TRIP12: variants seen among roughly 807,000 people sequenced by gnomAD.
TRIP12 encodes E3 ubiquitin-protein ligase TRIP12.
A neutral mutation model predicts 244.2 loss-of-function variants in TRIP12; 25 were observed. That is an observed-to-expected ratio of 0.10 (90% CI 0.07 to 0.14). The LOEUF is 0.14. Ranked by LOEUF, TRIP12 falls within the 10% of genes least tolerant of loss-of-function variation. The pLI is 1.00. For missense variants in TRIP12, 1,677 were observed against 2,486.4 expected, an observed-to-expected ratio of 0.67 and a Z score of 6.92; for synonymous variants, 905 against 873.1, an observed-to-expected ratio of 1.04 and a Z score of -0.64.
chr2:229,800,571 T>C (rs1361417221), intron 21 of TRIP12, among the ~76,000 whole-genome samples: 1 of 152,256 alleles, frequency 6.6e-6, no homozygotes, highest in South Asian at 2.1e-4. Context: ...GGATGAAAAA[T>C]GTAATTAAAC....
chr2:229,837,365 T>C (rs529888624), intron 5 of TRIP12, among the ~76,000 whole-genome samples: 5 of 152,284 alleles, frequency 3.3e-5, no homozygotes, highest in East Asian at 1.9e-4. Flanking sequence ...CTGGGTACGG[T>C]AGCTCATGCC....
rs1416378962 is a variant in TRIP12, at chr2:229,921,940, T to TCCCCCCCCCCCC, written c.-111_-110insGGGGGGGGGGGG. On this transcript the variant is annotated 5_prime_UTR_variant, in exon 1 of 42. Coordinates refer to ENST00000675903, the MANE Select transcript of TRIP12 (RefSeq NM_001348323.3). ...TGGCGCGGCAGTAACTTCCACTAGC[T>TCCCCCCCCCCCC]CCCCCCACCCCCCCCAGCGGCGCGG... 1 of 132,774 alleles carries TCCCCCCCCCCCC rather than the reference T, an allele frequency of 7.5e-6. No individual in the cohort carries two copies. Among genetic ancestry groups the TCCCCCCCCCCCC allele is most frequent in the Non-Finnish European group, 1.6e-5 (1 of 62,484 alleles). 8.2% of individuals were successfully genotyped at this position (132,774 alleles called of 1,614,324 possible).
chr2:229,869,798 A>C (rs1339985636), intron 2 of TRIP12, among the ~76,000 whole-genome samples: 1 of 152,214 alleles, frequency 6.6e-6, no homozygotes, highest in Non-Finnish European at 1.5e-5. Flanking sequence ...AATCCTAGAA[A>C]AGGCTAAGAG....
chr2:229,897,524 T>C (rs2069201300), intron 1 of TRIP12, among the ~76,000 whole-genome samples: 3 of 152,178 alleles, frequency 2.0e-5, no homozygotes. Flanking sequence ...GGCATGCGCC[T>C]GTAATCCCAG....
intron 2 of TRIP12, among the ~76,000 whole-genome samples, chr2:229,866,612 AC>A (rs2154342305): frequency 6.6e-6 from 1 of 152,294 alleles, no homozygotes; most frequent in South Asian, 2.1e-4. Context: ...AGAGTTGAGA[AC>A]CATTGTACTA....
rs764139881 is a variant in TRIP12, at chr2:229,791,106, C to G, written c.4543+18G>C. On this transcript the variant is annotated intron_variant, in intron 30 of 41. Coordinates refer to ENST00000675903, the MANE Select transcript of TRIP12 (RefSeq NM_001348323.3). ...TGCCCAGTTGGCAATCCATTTTCCCCTTTATCTACCATCTTACCGTGCCAT... is the reference window on the plus strand; with the variant it reads ...TGCCCAGTTGGCAATCCATTTTCCCGTTTATCTACCATCTTACCGTGCCAT... The G allele has an allele frequency of 8.7e-6, 14 of 1,613,294 alleles. No homozygotes were observed. Among genetic ancestry groups the G allele is most frequent in the Non-Finnish European group, 1.2e-5 (14 of 1,179,746 alleles).
chr2:229,919,009 T>C (rs1051869509), intron 1 of TRIP12, among the ~76,000 whole-genome samples: 15 of 152,224 alleles, frequency 9.9e-5, no homozygotes, highest in East Asian at 3.8e-4. Context: ...AGCTACTAAC[T>C]GGTAGTGTGT....
intron 2 of TRIP12, among the ~76,000 whole-genome samples, chr2:229,860,803 C>T (rs1033699586): frequency 6.6e-6 from 1 of 152,030 alleles, no homozygotes; most frequent in Non-Finnish European, 1.5e-5. Context: ...GTTGCTTAAG[C>T]AGTAACACAT....
intron 21 of TRIP12, among the ~76,000 whole-genome samples, chr2:229,800,979 G>A (rs1431953987): frequency 6.6e-6 from 1 of 152,172 alleles, no homozygotes; most frequent in African/African-American, 2.4e-5. Flanking sequence ...GCAATTGTCT[G>A]AACTGTATCA....
At chr2:229,796,258 T>G (rs773003576) in intron 25 of TRIP12, among the ~76,000 whole-genome samples, 1 of 152,254 alleles carries the variant, frequency 6.6e-6, no homozygotes, top group Non-Finnish European at 1.5e-5. Context: ...TAAAAGGAAC[T>G]AATACAAACT....
intron 37 of TRIP12, 151 bp from the exon 38 acceptor site, chr2:229,774,412 T>C (rs2154239802): frequency 1.3e-6 from 1 of 764,132 alleles, no homozygotes; most frequent in Non-Finnish European, 2.0e-6. Flanking sequence ...CTGGTCATAA[T>C]CTACATATGA....
intron 2 of TRIP12, among the ~76,000 whole-genome samples, chr2:229,862,466 T>C (rs953444960): frequency 6.6e-6 from 1 of 152,238 alleles, no homozygotes; most frequent in African/African-American, 2.4e-5. Flanking sequence ...TCTACATTCT[T>C]ATTTTCTTAA....
intron 2 of TRIP12, among the ~76,000 whole-genome samples, chr2:229,873,336 T>C (rs750013805): frequency 9.8e-5 from 15 of 152,314 alleles, no homozygotes; most frequent in Non-Finnish European, 1.9e-4. Context: ...CCTGAAGAGA[T>C]ACCTGAAATG....
intron 15 of TRIP12, among the ~76,000 whole-genome samples, chr2:229,809,378 G>A (rs1273557445): frequency 6.6e-6 from 1 of 152,028 alleles, no homozygotes; most frequent in Non-Finnish European, 1.5e-5. Flanking sequence ...CTTTTATAGG[G>A]TTATTACAGT....
intron 1 of TRIP12, among the ~76,000 whole-genome samples, chr2:229,895,400 G>A (rs1397395659): frequency 1.3e-5 from 2 of 151,648 alleles, no homozygotes; most frequent in Non-Finnish European, 2.9e-5. Flanking sequence ...GAAGAGTGAA[G>A]AAATGTGAGA....
At chr2:229,918,539 C>G (rs1344259729) in intron 1 of TRIP12, among the ~76,000 whole-genome samples, 1 of 152,170 alleles carries the variant, frequency 6.6e-6, no homozygotes, top group African/African-American at 2.4e-5. Context: ...AGAACAGGTA[C>G]TTTGTCAATA....
chr2:229,787,949 C>T (rs1203403284), intron 32 of TRIP12, among the ~76,000 whole-genome samples: 1 of 152,034 alleles, frequency 6.6e-6, no homozygotes, highest in African/African-American at 2.4e-5. Context: ...ATTACAGGCT[C>T]CTGACACCAC....
In TRIP12 at chr2:229,785,908, T is replaced by C. The variant is rs2039864069; in HGVS notation, c.4996-53A>G. 4 of 1,471,950 alleles carry C rather than the reference T, an allele frequency of 2.7e-6. No homozygotes were observed. In the South Asian group the frequency reaches 3.8e-5, roughly 14 times the overall value. The allele number at this position is 1,471,950 out of a possible 1,614,324, so 91.2% of individuals were successfully genotyped here. A position where few individuals can be genotyped will look rare whatever the true frequency, so the allele number is the denominator to read the frequency against. On this transcript the variant is annotated intron_variant, in intron 33 of 41. Coordinates refer to ENST00000675903, the MANE Select transcript of TRIP12 (RefSeq NM_001348323.3). ...ACTATGCTCTACCCATATTACACTT[T>C]AATAAACAGGTGGCATTTCTTGAAA...
At position 229,764,212 on chromosome 2, in the gene TRIP12, G is replaced by A. The variant is rs1402271155; in HGVS notation, c.*3342C>T. ...TTTTGTCTGGATTTTTTTTTTTGAG[G>A]TAACAAAGGAAGCATCTTCAGTGAT... On this transcript the variant is annotated 3_prime_UTR_variant, in exon 42 of 42. Transcript: ENST00000675903. The A allele has an allele frequency of 6.6e-6, 1 of 151,580 alleles. No homozygotes were observed. Among genetic ancestry groups the A allele is most frequent in the East Asian group, 1.9e-4 (1 of 5,184 alleles). 9.4% of individuals were successfully genotyped at this position (151,580 alleles called of 1,614,324 possible). A position where few individuals can be genotyped will look rare whatever the true frequency, so the allele number is the denominator to read the frequency against.
Sources: gnomAD v4.1 joint callset for allele counts (sites outside exome capture counted in the v4.1 genomes callset) on GRCh38, gnomAD v4.1.1 for gene constraint, MANE v1.5 for transcripts, NCBI Gene and HGNC (gene_info 2026-07-23, HGNC 2026-07-21) for gene names.